The following NRXN3 variants were observed in gnomAD, a reference collection of about 807,000 sequenced individuals.
NRXN3 encodes neurexin 3.
In NRXN3, 32 loss-of-function variants were observed where a neutral mutation model predicts 137.6. The observed-to-expected ratio is 0.23, with a 90% CI of 0.18 to 0.31. NRXN3 has a LOEUF of 0.31. Ranked by LOEUF, NRXN3 falls within the 10% of genes least tolerant of loss-of-function variation. The pLI, the probability that NRXN3 is intolerant of heterozygous loss-of-function variation, is 1.00. For missense variants in NRXN3, 1,574 were observed against 2,062.5 expected (o/e 0.76, Z 4.59); for synonymous variants, 798 against 784.5 (o/e 1.02, Z -0.29).
chr14:78,684,181 G>T (rs564617953), intron 6 of NRXN3, among the ~76,000 whole-genome samples: 1 of 152,228 alleles, frequency 6.6e-6, no homozygotes, highest in African/African-American at 2.4e-5. Flanking sequence ...AGGAAGCCAG[G>T]ATCTAACAGT....
chr14:78,883,086 A>G (rs1207971920), intron 10 of NRXN3, among the ~76,000 whole-genome samples: 3 of 152,140 alleles, frequency 2.0e-5, no homozygotes, highest in Non-Finnish European at 4.4e-5. Context: ...CCCTTCTGCC[A>G]TGATTGTAAG....
chr14:79,864,591 A>C lies in NRXN3; in HGVS notation c.*2627A>C, dbSNP rs544832515. On this transcript the variant is annotated 3_prime_UTR_variant, in exon 21 of 21. Coordinates refer to ENST00000335750, the MANE Select transcript of NRXN3 (RefSeq NM_001330195.2). ...ATTATCAAAATGCCATATTTATGAG[A>C]TAATTATCTGTTACTTGAGGCATTA... The C allele has an allele frequency of 2.0e-4, 31 of 151,836 alleles. No homozygotes were observed. Among genetic ancestry groups the C allele is most frequent in the African/African-American group, 7.2e-4 (30 of 41,516 alleles). 9.4% of individuals were successfully genotyped at this position (151,836 alleles called of 1,614,324 possible). A position where few individuals can be genotyped will look rare whatever the true frequency, so the allele number is the denominator to read the frequency against.
intron 1 of NRXN3, among the ~76,000 whole-genome samples, chr14:78,239,308 C>T (rs998794936): frequency 2.0e-5 from 3 of 152,218 alleles, no homozygotes; most frequent in African/African-American, 7.2e-5. Flanking sequence ...TTGTCCCCCA[C>T]TAGTTTGTGA....
intron 4 of NRXN3, among the ~76,000 whole-genome samples, chr14:78,589,973 AAAAC>A (rs869260100): frequency 3.3e-4 from 49 of 150,660 alleles, no homozygotes; most frequent in Middle Eastern, 3.4e-3. Context: ...AACAAACAAA[AAAAC>A]AAACAAACAA....
intron 15 of NRXN3, among the ~76,000 whole-genome samples, chr14:79,095,106 T>A (rs1412797641): frequency 6.6e-6 from 1 of 151,912 alleles, no homozygotes; most frequent in East Asian, 1.9e-4. Context: ...TATTCATAAT[T>A]TCTGACTGGC....
chr14:78,756,545 CAAAAAAAAA>C (rs869164043), intron 8 of NRXN3, among the ~76,000 whole-genome samples: 1 of 70,830 alleles, frequency 1.4e-5, no homozygotes, highest in Non-Finnish European at 3.2e-5. Context: ...GATTCTGTCT[CAAAAAAAAA>C]AAAAAAAAAA....
At chr14:78,624,336 C>A (rs1187000400) in intron 4 of NRXN3, among the ~76,000 whole-genome samples, 1 of 152,158 alleles carries the variant, frequency 6.6e-6, no homozygotes, top group African/African-American at 2.4e-5. Context: ...TTAAAAAATG[C>A]AAATTCTTCT....
At chr14:79,811,583 T>TTC (rs1416828899) in intron 20 of NRXN3, among the ~76,000 whole-genome samples, 9 of 135,856 alleles carry the variant, frequency 6.6e-5, no homozygotes, top group African/African-American at 2.7e-4. Flanking sequence ...TCTTTTTTCT[T>TTC]TTTTTTTTTT....
intron 19 of NRXN3, among the ~76,000 whole-genome samples, chr14:79,763,057 C>G (rs1292620540): frequency 2.0e-5 from 3 of 150,774 alleles, no homozygotes; most frequent in Non-Finnish European, 2.9e-5. Flanking sequence ...TGTGATGTTC[C>G]CCCCTCCCTG....
intron 16 of NRXN3, among the ~76,000 whole-genome samples, chr14:79,549,533 G>A (rs2097353579): frequency 6.6e-6 from 1 of 152,002 alleles, no homozygotes; most frequent in Non-Finnish European, 1.5e-5. Context: ...CAACTCTCCT[G>A]CTCTACACGT....
chr14:79,758,417 G>A (rs1195296812), intron 19 of NRXN3, among the ~76,000 whole-genome samples: 3 of 152,088 alleles, frequency 2.0e-5, no homozygotes, highest in Non-Finnish European at 4.4e-5. Flanking sequence ...GAGAGCAAGA[G>A]AGAGGATAGG....
At chr14:78,790,549 A>T (rs2098802203) in intron 8 of NRXN3, among the ~76,000 whole-genome samples, 1 of 152,202 alleles carries the variant, frequency 6.6e-6, no homozygotes, top group Admixed American at 6.5e-5. Context: ...GCATTCTTGC[A>T]TAGATTTGCA....
At chr14:78,450,707 T>C (rs536530378) in intron 4 of NRXN3, among the ~76,000 whole-genome samples, 54 of 152,330 alleles carry the variant, frequency 3.5e-4, no homozygotes, top group African/African-American at 1.1e-3. Context: ...TGTGGACTTA[T>C]GTAACACATT....
chr14:78,937,240 A>G (rs893860473), intron 10 of NRXN3, among the ~76,000 whole-genome samples: 4 of 151,922 alleles, frequency 2.6e-5, no homozygotes, highest in Non-Finnish European at 5.9e-5. Context: ...AAAAATTTCT[A>G]GTCTCTCTGA....
chr14:79,824,959 T>A (rs1452414225), intron 20 of NRXN3, among the ~76,000 whole-genome samples: 7 of 152,222 alleles, frequency 4.6e-5, no homozygotes, highest in African/African-American at 1.7e-4. Context: ...ATAATGTACT[T>A]AGGTATTACC....
At chr14:79,764,395 T>G (rs896219538) in intron 19 of NRXN3, among the ~76,000 whole-genome samples, 1 of 151,910 alleles carries the variant, frequency 6.6e-6, no homozygotes, top group African/African-American at 2.4e-5. Flanking sequence ...AAGGGAAGAG[T>G]ATTTAATCAT....
intron 17 of NRXN3, among the ~76,000 whole-genome samples, chr14:79,668,483 A>C (rs2098582765): frequency 6.6e-6 from 1 of 152,146 alleles, no homozygotes; most frequent in African/African-American, 2.4e-5. Flanking sequence ...CTTAAGGAGC[A>C]GAGCCAACAC....
chr14:78,491,187 C>A (rs1033702562), intron 4 of NRXN3, among the ~76,000 whole-genome samples: 3 of 152,160 alleles, frequency 2.0e-5, no homozygotes, highest in Non-Finnish European at 4.4e-5. Flanking sequence ...TCCACAGGCC[C>A]CAGCTGCCAG....
At chr14:79,411,887 C>A (rs760670542) in intron 15 of NRXN3, among the ~76,000 whole-genome samples, 10 of 152,070 alleles carry the variant, frequency 6.6e-5, no homozygotes, top group Non-Finnish European at 1.2e-4. Context: ...GACAGATAAA[C>A]GGATTTTTCT....
Sources: allele counts gnomAD v4.1 joint callset (sites outside exome capture counted in the v4.1 genomes callset), GRCh38; gene constraint gnomAD v4.1.1; transcripts MANE v1.5; gene names NCBI Gene and HGNC (gene_info 2026-07-23, HGNC 2026-07-21).